Variants in GFRA1 observed in about 807,000 individuals in gnomAD.
GFRA1 encodes the protein GDNF family receptor alpha 1.
A neutral mutation model predicts 51.6 loss-of-function variants in GFRA1; 16 were observed. The observed-to-expected ratio is 0.31, with a 90% CI of 0.21 to 0.47. The LOEUF (loss-of-function observed/expected upper bound fraction) is 0.47, where lower values mean the gene tolerates loss of function less well. Among genes scored for constraint, GFRA1 ranks in the 20% least tolerant of loss-of-function variants. The probability of loss-of-function intolerance (pLI) is 1.00; values close to 1 mark genes in which losing one functional copy is unlikely to be tolerated. For missense variants in GFRA1, 530 were observed against 594.3 expected, an observed-to-expected ratio of 0.89 and a Z score of 1.13; for synonymous variants, 270 against 241.3, an observed-to-expected ratio of 1.12 and a Z score of -1.10.
rs377031068 is a variant in GFRA1, at chr10:116,112,742, G to T, written c.770+12479C>A. 1.3e-3 allele frequency among the ~76,000 whole-genome samples: 194 copies of T among 152,348 alleles called. 1 individual carries two copies. Among genetic ancestry groups the T allele is most frequent in the African/African-American group, 4.5e-3 (186 of 41,584 alleles). On this transcript the variant is annotated intron_variant, in intron 6 of 10. Coordinates refer to ENST00000355422, the MANE Select transcript of GFRA1 (RefSeq NM_005264.8). ...GCTCAGTGCTCCAGCCTGCCAAGCA[G>T]CCCCGGAGCGACCGCACAGCTGACG...
At chr10:116,139,573 C>T (rs77064159) in intron 5 of GFRA1, among the ~76,000 whole-genome samples, 2,135 of 152,312 alleles carry the variant, frequency 0.014, 20 homozygotes, top group Middle Eastern at 0.027. Context: ...TGATTCCCTC[C>T]GCTTTGTGCC....
At chr10:116,154,175 C>T (rs983226587) in intron 5 of GFRA1, among the ~76,000 whole-genome samples, 4 of 152,162 alleles carry the variant, frequency 2.6e-5, no homozygotes, top group Non-Finnish European at 5.9e-5. Flanking sequence ...TCTAAACTGT[C>T]TGGCAGTACT....
chr10:116,250,417 TTGA>T (rs769416586), intron 4 of GFRA1, among the ~76,000 whole-genome samples: 1 of 152,184 alleles, frequency 6.6e-6, no homozygotes, highest in East Asian at 1.9e-4. Flanking sequence ...AAGTAAGGAC[TTGA>T]TGATGAACTT....
chr10:116,117,824 T>C (rs1313855872), intron 6 of GFRA1, among the ~76,000 whole-genome samples: 1 of 152,274 alleles, frequency 6.6e-6, no homozygotes, highest in East Asian at 1.9e-4. Flanking sequence ...ATGTACTAAA[T>C]TGTGTCCCTC....
At chr10:116,073,494 CAA>C (rs1565554522) in intron 9 of GFRA1, among the ~76,000 whole-genome samples, 1 of 152,082 alleles carries the variant, frequency 6.6e-6, no homozygotes, top group Non-Finnish European at 1.5e-5. Flanking sequence ...GCACAATTAA[CAA>C]TAAGATAATG....
chr10:116,112,848 A>T (rs554722981), intron 6 of GFRA1, among the ~76,000 whole-genome samples: 1 of 152,214 alleles, frequency 6.6e-6, no homozygotes, highest in Non-Finnish European at 1.5e-5. Context: ...CAGACATCCC[A>T]CAGCCTCAGC....
At chr10:116,135,143 A>ACCTGAAGCACCTGGTAAGGTG in intron 5 of GFRA1, among the ~76,000 whole-genome samples, 1 of 152,310 alleles carries the variant, frequency 6.6e-6, no homozygotes, top group South Asian at 2.1e-4. Flanking sequence ...GTAGTGCCTC[A>ACCTGAAGCACCTGGTAAGGTG]TTGTACATCA....
chr10:116,074,012 T>C (rs1955514287), intron 9 of GFRA1, among the ~76,000 whole-genome samples: 1 of 152,198 alleles, frequency 6.6e-6, no homozygotes, highest in Admixed American at 6.5e-5. Context: ...AAAAATATTC[T>C]AGAAAGTATA....
At chr10:116,156,332 G>A (rs764012713) in intron 5 of GFRA1, among the ~76,000 whole-genome samples, 14 of 152,204 alleles carry the variant, frequency 9.2e-5, no homozygotes, top group Non-Finnish European at 1.5e-4. Flanking sequence ...GGGTTTAAAC[G>A]ATTTTCTTCA....
In GFRA1 at chr10:116,269,533, CT is replaced by C; in HGVS notation, c.387del (p.Asp130IlefsTer115). ...SPYEPVNSRL[S>X]DIFRVVPFIS... ...ATGAATGGGACCACCCGGAATATAT[CT>C]GACAATCTGCTGTTAACTGGTTCAT... On this transcript the variant is annotated frameshift_variant, in exon 4 of 11. Coordinates refer to ENST00000355422, the MANE Select transcript of GFRA1 (RefSeq NM_005264.8). LOFTEE classifies it high-confidence loss of function. 6.2e-7 allele frequency: 1 copy of C among 1,607,436 alleles called. No homozygotes were observed. Among genetic ancestry groups the C allele is most frequent in the Non-Finnish European group, 8.5e-7 (1 of 1,173,906 alleles).
At chr10:116,084,944 A>G (rs886515165) in intron 9 of GFRA1, among the ~76,000 whole-genome samples, 1 of 152,182 alleles carries the variant, frequency 6.6e-6, no homozygotes, top group Non-Finnish European at 1.5e-5. Context: ...AGTAAGTCGA[A>G]GGAATAGGCC....
At chr10:116,230,800 A>C (rs1371060969) in intron 4 of GFRA1, among the ~76,000 whole-genome samples, 1 of 152,150 alleles carries the variant, frequency 6.6e-6, no homozygotes, top group African/African-American at 2.4e-5. Flanking sequence ...CAGTGAGTAA[A>C]CTGTTATGGA....
chr10:116,251,920 T>C (rs978191644), intron 4 of GFRA1, among the ~76,000 whole-genome samples: 3 of 149,278 alleles, frequency 2.0e-5, no homozygotes, highest in African/African-American at 4.9e-5. Context: ...CGTCATTCCA[T>C]GTTGTAAAAG....
intron 6 of GFRA1, among the ~76,000 whole-genome samples, chr10:116,100,752 G>C (rs925845330): frequency 1.3e-5 from 2 of 152,202 alleles, no homozygotes; most frequent in African/African-American, 4.8e-5. Context: ...GGAAGAGCAA[G>C]AAATTTGCCA....
At chr10:116,137,800 G>A (rs1235562997) in intron 5 of GFRA1, among the ~76,000 whole-genome samples, 1 of 152,042 alleles carries the variant, frequency 6.6e-6, no homozygotes, top group Non-Finnish European at 1.5e-5. Flanking sequence ...TCTGGGCTCT[G>A]TGTATTTATT....
At chr10:116,175,504 G>A (rs1295621363) in intron 5 of GFRA1, among the ~76,000 whole-genome samples, 1 of 152,174 alleles carries the variant, frequency 6.6e-6, no homozygotes, top group East Asian at 1.9e-4. Context: ...AATGTTAGTT[G>A]ATTTTATGCT....
chr10:116,103,107 CA>C (rs1409593364), intron 6 of GFRA1, among the ~76,000 whole-genome samples: 2 of 152,166 alleles, frequency 1.3e-5, no homozygotes, highest in African/African-American at 4.8e-5. Context: ...CACATCTTAG[CA>C]AATTATTCAA....
At chr10:116,190,889 T>C (rs908396091) in intron 5 of GFRA1, among the ~76,000 whole-genome samples, 1 of 152,254 alleles carries the variant, frequency 6.6e-6, no homozygotes, top group Non-Finnish European at 1.5e-5. Flanking sequence ...ATTATTTTGC[T>C]GTATTTTTAA....
chr10:116,183,196 T>C (rs2420248), intron 5 of GFRA1, among the ~76,000 whole-genome samples: 20,354 of 152,200 alleles, frequency 0.13, 1,402 homozygotes, highest in Non-Finnish European at 0.16. Flanking sequence ...ATGAGGAAAG[T>C]TGTTTTACCC....
Sources: allele counts gnomAD v4.1 joint callset (sites outside exome capture counted in the v4.1 genomes callset), GRCh38; gene constraint gnomAD v4.1.1; transcripts MANE v1.5; gene names NCBI Gene and HGNC (gene_info 2026-07-23, HGNC 2026-07-21).